The following INSR variants were observed in gnomAD, a reference collection of about 807,000 sequenced individuals.
INSR encodes the protein insulin receptor, also known as IR.
INSR carries 67 observed loss-of-function variants against 142.6 expected under a neutral mutation model. The observed-to-expected ratio is 0.47, with a 90% CI of 0.39 to 0.58. The LOEUF is 0.58. Among genes scored for constraint, INSR ranks in the 20% least tolerant of loss-of-function variants. The pLI, the probability that INSR is intolerant of heterozygous loss-of-function variation, is 0.00. For synonymous variants in INSR, 756 were observed against 743.1 expected (o/e 1.02, Z -0.28); for missense variants, 1,248 against 1,833.2 (o/e 0.68, Z 5.83).
intron 10 of INSR, chr19:7,151,981 T>TTTC (rs1973375776): frequency 2.0e-5 from 3 of 151,900 alleles, no homozygotes; most frequent in African/African-American, 7.3e-5. Flanking sequence ...TTTTTTTTTT[T>TTTC]TTTTGGTAGC....
intron 2 of INSR, among the ~76,000 whole-genome samples, chr19:7,260,904 G>C (rs906908094): frequency 6.7e-6 from 1 of 149,942 alleles, no homozygotes; most frequent in African/African-American, 2.5e-5. Flanking sequence ...TAAAGACAGA[G>C]TCTCACCGAG....
At chr19:7,262,440 C>G (rs1307304856) in intron 2 of INSR, among the ~76,000 whole-genome samples, 1 of 152,070 alleles carries the variant, frequency 6.6e-6, no homozygotes, top group Non-Finnish European at 1.5e-5. Context: ...CCATTGCAAT[C>G]CAGCCTGGGC....
chr19:7,220,846 T>C (rs1975589338), intron 2 of INSR, among the ~76,000 whole-genome samples: 1 of 152,234 alleles, frequency 6.6e-6, no homozygotes. Context: ...AAAACTCATG[T>C]TGAAATGTAA....
intron 2 of INSR, among the ~76,000 whole-genome samples, chr19:7,255,655 G>A (rs1976865876): frequency 1.3e-5 from 2 of 151,276 alleles, no homozygotes; most frequent in Non-Finnish European, 2.9e-5. Context: ...ATAGCTCATT[G>A]CAGCCTCAAA....
At chr19:7,185,885 A>G (rs1974418055) in intron 2 of INSR, among the ~76,000 whole-genome samples, 1 of 137,250 alleles carries the variant, frequency 7.3e-6, no homozygotes. Context: ...AGAGAGAGAG[A>G]AAAGGAAGGA....
chr19:7,270,096 T>C (rs1256865911), intron 1 of INSR, among the ~76,000 whole-genome samples: 3 of 151,790 alleles, frequency 2.0e-5, no homozygotes, highest in Non-Finnish European at 4.4e-5. Context: ...CCAAGAAGTG[T>C]CCAACACCAC....
rs138500083 is a variant in INSR, at chr19:7,262,397, G to A, written c.652+4948C>T. Among the ~76,000 whole-genome samples, 243 of 152,244 alleles carry A rather than the reference G, an allele frequency of 1.6e-3. 3 individuals carry two copies. The highest frequency in any genetic ancestry group is 1.4e-3 in the South Asian group (7 of 4,828). ...TGAGGCAGGAGAATCGCTTGAACCC[G>A]GGAGGCAGAGGTTGCAGTGAGCTGA... On this transcript the variant is annotated intron_variant, in intron 2 of 21. Coordinates refer to ENST00000302850, the MANE Select transcript of INSR (RefSeq NM_000208.4).
chr19:7,289,405 CTT>C (rs777933899), intron 1 of INSR, among the ~76,000 whole-genome samples: 2,741 of 130,196 alleles, frequency 0.021, 92 homozygotes, highest in African/African-American at 0.067. Flanking sequence ...TTTTTCTTTT[CTT>C]TTTTTTTTTT....
intron 2 of INSR, among the ~76,000 whole-genome samples, chr19:7,243,122 T>C (rs1397207598): frequency 6.6e-6 from 1 of 152,068 alleles, no homozygotes; most frequent in African/African-American, 2.4e-5. Context: ...TGAAAACTTT[T>C]GCTGTAGTGG....
intron 11 of INSR, among the ~76,000 whole-genome samples, chr19:7,144,134 G>A (rs1973136553): frequency 6.6e-6 from 1 of 151,546 alleles, no homozygotes; most frequent in Admixed American, 6.6e-5. Flanking sequence ...TTTTTTCCCT[G>A]TAAATATTAT....
intron 2 of INSR, among the ~76,000 whole-genome samples, chr19:7,203,492 T>A (rs1351255406): frequency 6.6e-6 from 1 of 152,122 alleles, no homozygotes; most frequent in African/African-American, 2.4e-5. Context: ...GGAATCGATC[T>A]CCGTGGAAGG....
rs139944962 is a variant in INSR at position 7,128,949 on chromosome 19, C to A, written c.2848G>T (p.Val950Phe). Residue 950 changes from valine (V) to phenylalanine (F), a missense_variant, in exon 15 of 22, where the codon GTC (valine) becomes TTC (phenylalanine). Physicochemically the swap from Val to Phe is conservative, Grantham distance 50 (BLOSUM62 -1). Transcript: ENST00000302850. Reference sequence around the variant, plus strand: ...ATAATTTTTGCAATATTTGACGGGACGTCTACTGAAATAGAATAAGAAAAT... The same window carrying A: ...ATAATTTTTGCAATATTTGACGGGAAGTCTACTGAAATAGAATAAGAAAAT... Reference protein sequence around the residue: ...TYFYVTDYLDVPSNIAKIIIG... With the variant: ...TYFYVTDYLDFPSNIAKIIIG... 6.2e-7 allele frequency: 1 copy of A among 1,606,864 alleles called. No homozygotes were observed. Among genetic ancestry groups the A allele is most frequent in the Admixed American group, 1.7e-5 (1 of 59,990 alleles).
chr19:7,277,801 A>AGT (rs1968105020), intron 1 of INSR, among the ~76,000 whole-genome samples: 1 of 151,484 alleles, frequency 6.6e-6, no homozygotes, highest in Non-Finnish European at 1.5e-5. Flanking sequence ...TATTTCTAAA[A>AGT]AAAACCAAGG....
At chr19:7,265,738 A>C (rs1003665340) in intron 2 of INSR, among the ~76,000 whole-genome samples, 1 of 33,440 alleles carries the variant, frequency 3.0e-5, no homozygotes, top group Admixed American at 2.0e-4. Flanking sequence ...TCCATCTCAA[A>C]AAAAAAAAAA....
chr19:7,226,221 C>A (rs1229807860), intron 2 of INSR, among the ~76,000 whole-genome samples: 2 of 150,340 alleles, frequency 1.3e-5, no homozygotes, highest in African/African-American at 4.9e-5. Flanking sequence ...TCCTGGCCAA[C>A]ATGGTGAAAC....
At chr19:7,281,848 C>T (rs947463310) in intron 1 of INSR, among the ~76,000 whole-genome samples, 1 of 152,134 alleles carries the variant, frequency 6.6e-6, no homozygotes, top group Non-Finnish European at 1.5e-5. Flanking sequence ...AAATAAGAAT[C>T]TCATGATAGC....
intron 11 of INSR, among the ~76,000 whole-genome samples, chr19:7,146,337 G>A (rs1973188143): frequency 6.7e-6 from 1 of 150,300 alleles, no homozygotes; most frequent in Admixed American, 6.7e-5. Context: ...TGCCTCCCAG[G>A]TTCAAGCGAT....
At chr19:7,261,072 G>A (rs866230167) in intron 2 of INSR, among the ~76,000 whole-genome samples, 6 of 151,722 alleles carry the variant, frequency 4.0e-5, no homozygotes, top group African/African-American at 1.5e-4. Context: ...ATTTTTTGTC[G>A]AGACGGGGTT....
chr19:7,267,963 C>G lies in INSR; in HGVS notation c.101-67G>C. ...CGCACGGTGGATGCATCAGAAGGAT[C>G]AGGGGCAGAGCCGGCTTCATGGACA... On this transcript the variant is annotated intron_variant, in intron 1 of 21. Transcript: ENST00000302850. The surrounding 1 kb of genome is among the most constrained non-coding windows in gnomAD (Gnocchi z 6.3). 1 of 1,369,878 alleles carries G rather than the reference C, an allele frequency of 7.3e-7. No individual in the cohort carries two copies. 84.9% of individuals were successfully genotyped at this position (1,369,878 alleles called of 1,614,324 possible).
Sources: allele counts gnomAD v4.1 joint callset (sites outside exome capture counted in the v4.1 genomes callset), GRCh38; gene constraint gnomAD v4.1.1; non-coding constraint Gnocchi (gnomAD v3.1); transcripts MANE v1.5; gene names NCBI Gene and HGNC (gene_info 2026-07-23, HGNC 2026-07-21).